The following VWA8 variants were observed in gnomAD, a reference collection of about 807,000 sequenced individuals.
VWA8 encodes the protein von Willebrand factor A domain containing 8.
VWA8 carries 221 observed loss-of-function variants against 241.5 expected under a neutral mutation model. The observed-to-expected ratio is 0.91, with a 90% CI of 0.82 to 1.02. The LOEUF (loss-of-function observed/expected upper bound fraction) is 1.02, where lower values mean the gene tolerates loss of function less well. VWA8 is among the 50% of genes least tolerant of loss of function. The probability of loss-of-function intolerance (pLI) is 0.00; values close to 1 mark genes in which losing one functional copy is unlikely to be tolerated. For synonymous variants in VWA8, 852 were observed against 827.1 expected (o/e 1.03, Z -0.52); for missense variants, 2,322 against 2,328.7 (o/e 1.00, Z 0.06).
Position 41,570,699 on chromosome 13 carries a change from T to C in VWA8, c.5378A>G (p.His1793Arg), listed in dbSNP as rs369708747. 2.9e-5 allele frequency: 46 copies of C among 1,612,500 alleles called. No homozygotes were observed. The highest frequency in any genetic ancestry group is 3.9e-5 in the Non-Finnish European group (46 of 1,178,582). Reference sequence around the variant, plus strand: ...ACTCATGCAGAACTGAGAGTGGGCATGCATTGTCTGGAGGTAAAAGAAGTT... The same window carrying C: ...ACTCATGCAGAACTGAGAGTGGGCACGCATTGTCTGGAGGTAAAAGAAGTT... Reference protein sequence around the residue: ...KQRLEILKTMHAHSQFCMSGD... With the variant: ...KQRLEILKTMRAHSQFCMSGD... The change falls in exon 44 of 45, where the codon CAT becomes CGT. Residue 1793 changes from histidine to arginine, a missense_variant. Transcript: ENST00000379310.
At chr13:41,894,700 T>C (rs1017403225) in intron 4 of VWA8, among the ~76,000 whole-genome samples, 1 of 152,148 alleles carries the variant, frequency 6.6e-6, no homozygotes, top group Admixed American at 6.5e-5. Context: ...TGAAAAATAA[T>C]ACAACACTGG....
At chr13:41,941,755 A>G (rs908639777) in intron 2 of VWA8, among the ~76,000 whole-genome samples, 3 of 152,212 alleles carry the variant, frequency 2.0e-5, no homozygotes, top group Non-Finnish European at 4.4e-5. Flanking sequence ...TATCCTACAC[A>G]TTTCATATAT....
At chr13:41,959,606 C>CTTTGTTTTTTTTTTT (rs1878513493) in intron 1 of VWA8, among the ~76,000 whole-genome samples, 2 of 79,648 alleles carry the variant, frequency 2.5e-5, no homozygotes, top group Admixed American at 2.0e-4. Flanking sequence ...CCTAAATATG[C>CTTTGTTTTTTTTTTT]TTTTTTTTTT....
At chr13:41,688,086 T>C (rs958070868) in intron 34 of VWA8, among the ~76,000 whole-genome samples, 1 of 152,108 alleles carries the variant, frequency 6.6e-6, no homozygotes, top group African/African-American at 2.4e-5. Context: ...ACACATCTCT[T>C]TCATATCAAG....
intron 10 of VWA8, among the ~76,000 whole-genome samples, chr13:41,867,484 T>C (rs1873366715): frequency 6.6e-6 from 1 of 152,186 alleles, no homozygotes; most frequent in Non-Finnish European, 1.5e-5. Flanking sequence ...TCTGGGTGAA[T>C]CATTAACCTC....
intron 4 of VWA8, among the ~76,000 whole-genome samples, chr13:41,900,411 A>G (rs1025423588): frequency 5.9e-5 from 9 of 152,204 alleles, no homozygotes; most frequent in Non-Finnish European, 1.2e-4. Context: ...ATTTTCTCAA[A>G]TAGAATTCAG....
At chr13:41,784,898 C>A (rs1273626761) in intron 18 of VWA8, among the ~76,000 whole-genome samples, 1 of 150,704 alleles carries the variant, frequency 6.6e-6, no homozygotes, top group Non-Finnish European at 1.5e-5. Context: ...CTGTCTTATG[C>A]AATTATTTTG....
intron 12 of VWA8, among the ~76,000 whole-genome samples, chr13:41,862,350 A>C (rs1873044168): frequency 6.6e-6 from 1 of 152,222 alleles, no homozygotes; most frequent in Non-Finnish European, 1.5e-5. Context: ...ACCTAGAAGA[A>C]AACCTAGGAC....
At chr13:41,615,162 T>C in intron 37 of VWA8, 78 bp from the exon 38 acceptor site, 1 of 1,431,318 alleles carries the variant, frequency 7.0e-7, no homozygotes, top group Non-Finnish European at 9.6e-7. Flanking sequence ...AAAAATTATT[T>C]TCTCCTAAGT....
chr13:41,863,186 T>TATATATATATATACACACACACA (rs1566485232), intron 12 of VWA8, among the ~76,000 whole-genome samples: 2 of 151,144 alleles, frequency 1.3e-5, no homozygotes, highest in African/African-American at 4.9e-5. Context: ...GCAAGACGGG[T>TATATATATATATACACACACACA]CTAGCCTCCC....
chr13:41,882,652 A>G (rs1170725284), intron 9 of VWA8, among the ~76,000 whole-genome samples: 1 of 152,218 alleles, frequency 6.6e-6, no homozygotes, highest in Non-Finnish European at 1.5e-5. Context: ...AAAAATACGA[A>G]AACCAGTCAG....
intron 35 of VWA8, among the ~76,000 whole-genome samples, chr13:41,684,563 A>G (rs2045122426): frequency 6.6e-6 from 1 of 152,154 alleles, no homozygotes; most frequent in Non-Finnish European, 1.5e-5. Context: ...CATGCTAACA[A>G]TAGGATGGGG....
rs142273448 is a variant in VWA8 at position 41,715,279 on chromosome 13, CATT to C, written c.3116+4309_3116+4311del. On this transcript the variant is annotated intron_variant, in intron 26 of 44. Transcript: ENST00000379310. Reference sequence around the variant, plus strand: ...CCATTATTATGAAATATAATCATAACATTGTTGTTGTTATAATTATATTTAGAA... The same window carrying C: ...CCATTATTATGAAATATAATCATAACGTTGTTGTTATAATTATATTTAGAA... Among the ~76,000 whole-genome samples the C allele has an allele frequency of 3.9e-4, 59 of 151,878 alleles. No homozygotes were observed. The East Asian group carries it at 6.6e-3, about 17-fold the overall frequency.
intron 13 of VWA8, among the ~76,000 whole-genome samples, chr13:41,831,843 C>T (rs149240860): frequency 0.019 from 2,840 of 152,052 alleles, 92 homozygotes; most frequent in African/African-American, 0.064. Context: ...TGGTCTCAAA[C>T]TTCTGACCTC....
At chr13:41,626,762 A>C (rs1198454957) in intron 37 of VWA8, among the ~76,000 whole-genome samples, 1 of 152,204 alleles carries the variant, frequency 6.6e-6, no homozygotes, top group South Asian at 2.1e-4. Context: ...ACATACAAAA[A>C]TCAATTCAAG....
rs557444897 is a variant in VWA8, at chr13:41,662,461, T to C, written c.4611+8485A>G. On this transcript the variant is annotated intron_variant, in intron 37 of 44. Coordinates refer to ENST00000379310, the MANE Select transcript of VWA8 (RefSeq NM_015058.2). ...TTGTTAGTTATCAATTGTTAGTATA[T>C]AGAAATATAATTGATTTTTGGCTTC... Among the ~76,000 whole-genome samples, 51 of 151,978 alleles carry C rather than the reference T, an allele frequency of 3.4e-4. No individual in the cohort carries two copies. The South Asian group carries it at 0.01, about 30-fold the overall frequency.
chr13:41,774,642 G>C (rs1242287397), intron 20 of VWA8, among the ~76,000 whole-genome samples: 1 of 152,188 alleles, frequency 6.6e-6, no homozygotes, highest in Non-Finnish European at 1.5e-5. Context: ...ACACTTCAGA[G>C]AGTGCAGTCA....
intron 37 of VWA8, among the ~76,000 whole-genome samples, chr13:41,625,955 C>T (rs111720141): frequency 0.033 from 4,939 of 150,988 alleles, 267 homozygotes; most frequent in African/African-American, 0.11. Flanking sequence ...AGCTGGAAAC[C>T]ATCATTCTCA....
intron 29 of VWA8, among the ~76,000 whole-genome samples, 191 bp from the exon 30 acceptor site, chr13:41,693,163 C>T (rs2045191418): frequency 6.6e-6 from 1 of 151,812 alleles, no homozygotes; most frequent in Non-Finnish European, 1.5e-5. Flanking sequence ...GAATTAAGTG[C>T]TTCTTAATTT....
Sources: gnomAD v4.1 joint callset for allele counts (sites outside exome capture counted in the v4.1 genomes callset) on GRCh38, gnomAD v4.1.1 for gene constraint, MANE v1.5 for transcripts, NCBI Gene and HGNC (gene_info 2026-07-23, HGNC 2026-07-21) for gene names.